TBC1D4: variants seen among roughly 807,000 people sequenced by gnomAD.
TBC1D4 encodes TBC1 domain family member 4, also known as TBC (Tre-2, BUB2, CDC16) domain-containing protein.
A neutral mutation model predicts 142.5 loss-of-function variants in TBC1D4; 121 were observed. That is an observed-to-expected ratio of 0.85 (90% CI 0.73 to 0.99). TBC1D4 has a LOEUF of 0.99. Among genes scored for constraint, TBC1D4 ranks in the 50% least tolerant of loss-of-function variants. The pLI is 0.00. For missense variants in TBC1D4, 1,475 were observed against 1,606.6 expected (o/e 0.92, Z 1.40); for synonymous variants, 630 against 628.2 (o/e 1.00, Z -0.04).
In TBC1D4 at chr13:75,286,574, T is replaced by C; in HGVS notation, c.*218A>G. On this transcript the variant is annotated 3_prime_UTR_variant, in exon 21 of 21. Coordinates refer to ENST00000377636, the MANE Select transcript of TBC1D4 (RefSeq NM_014832.5). ...TGTTCATTTTATATATATATTTATATGTACATAGCAACAACAAAAACCAGT... is the reference window on the plus strand; with the variant it reads ...TGTTCATTTTATATATATATTTATACGTACATAGCAACAACAAAAACCAGT... 1.9e-6 allele frequency: 1 copy of C among 516,396 alleles called. No individual in the cohort carries two copies. The highest frequency in any genetic ancestry group is 3.4e-6 in the Non-Finnish European group (1 of 290,910). The allele number at this position is 516,396 out of a possible 1,614,324, so 32.0% of individuals were successfully genotyped here.
chr13:75,450,296 G>A (rs770094635), intron 1 of TBC1D4, among the ~76,000 whole-genome samples: 8 of 152,026 alleles, frequency 5.3e-5, no homozygotes, highest in African/African-American at 7.3e-5. Flanking sequence ...TTCCTCCAGA[G>A]GTGTACTTCA....
At chr13:75,473,164 AT>A (rs1231389262) in intron 1 of TBC1D4, among the ~76,000 whole-genome samples, 12 of 151,200 alleles carry the variant, frequency 7.9e-5, no homozygotes, top group African/African-American at 2.7e-4. Context: ...CACCTGGCTA[AT>A]TTTTGCTATT....
chr13:75,418,058 T>C (rs1232178618), intron 1 of TBC1D4, among the ~76,000 whole-genome samples: 3 of 152,258 alleles, frequency 2.0e-5, no homozygotes, highest in Admixed American at 1.3e-4. Flanking sequence ...ATTTTATTAT[T>C]ATTTTATCAT....
chr13:75,455,345 T>C (rs529001652), intron 1 of TBC1D4, among the ~76,000 whole-genome samples: 42 of 152,294 alleles, frequency 2.8e-4, no homozygotes, highest in Admixed American at 2.6e-3. Flanking sequence ...CCCAGTCCTA[T>C]TTGTGCTTAC....
intron 11 of TBC1D4, 68 bp downstream of exon 11, chr13:75,324,169 T>A: frequency 6.3e-7 from 1 of 1,587,090 alleles, no homozygotes; most frequent in South Asian, 1.1e-5. Flanking sequence ...AATCAACCAC[T>A]TTTTAGTAAC....
intron 1 of TBC1D4, among the ~76,000 whole-genome samples, chr13:75,401,638 C>A (rs528835072): frequency 6.6e-6 from 1 of 152,288 alleles, no homozygotes; most frequent in South Asian, 2.1e-4. Context: ...ACAGATTAAT[C>A]TACATTTTCT....
intron 1 of TBC1D4, among the ~76,000 whole-genome samples, chr13:75,429,039 A>G (rs1886489908): frequency 6.6e-6 from 1 of 152,140 alleles, no homozygotes; most frequent in South Asian, 2.1e-4. Flanking sequence ...CTCAAACCAC[A>G]TACCCAGGTT....
rs1875388692 is a variant in TBC1D4, at chr13:75,292,263, AAAT to A, written c.3322_3324del (p.Ile1108del). The stretch of plus-strand genomic sequence containing the variant: ...AATATAACTTCAGTTCCCTGAAGAA[AAAT>A]AATATCTAAAAGAAGAGATATAATT... On this transcript the variant is annotated inframe_deletion, in exon 19 of 21. Coordinates refer to ENST00000377636, the MANE Select transcript of TBC1D4 (RefSeq NM_014832.5). The A allele has an allele frequency of 6.2e-7, 1 of 1,611,376 alleles. No individual in the cohort carries two copies. The highest frequency in any genetic ancestry group is 8.5e-7 in the Non-Finnish European group (1 of 1,178,886).
chr13:75,408,748 T>G (rs1228837876), intron 1 of TBC1D4, among the ~76,000 whole-genome samples: 2 of 152,170 alleles, frequency 1.3e-5, no homozygotes, highest in Non-Finnish European at 2.9e-5. Flanking sequence ...TATCAGTCAT[T>G]TTTATTATAG....
At chr13:75,349,064 C>T (rs779180532) in intron 5 of TBC1D4, 106 bp downstream of exon 5, 311 of 1,523,952 alleles carry the variant, frequency 2.0e-4, no homozygotes, top group African/African-American at 9.3e-4. Context: ...TCTTTGGGTT[C>T]TTGTTTCACA....
At chr13:75,472,300 T>G (rs1366345563) in intron 1 of TBC1D4, among the ~76,000 whole-genome samples, 1 of 151,782 alleles carries the variant, frequency 6.6e-6, no homozygotes, top group Non-Finnish European at 1.5e-5. Context: ...GCGCCTGTAG[T>G]CCCAGCTACT....
At chr13:75,312,499 T>C (rs1320651616) in intron 13 of TBC1D4, among the ~76,000 whole-genome samples, 12 of 151,942 alleles carry the variant, frequency 7.9e-5, no homozygotes, top group Non-Finnish European at 1.3e-4. Context: ...CCGTCTACCT[T>C]GTGGAGTAGG....
chr13:75,450,435 TTAAG>T (rs1190521826), intron 1 of TBC1D4, among the ~76,000 whole-genome samples: 1 of 152,218 alleles, frequency 6.6e-6, no homozygotes, highest in Non-Finnish European at 1.5e-5. Context: ...TGACATTTAT[TTAAG>T]TTTTATCACA....
At chr13:75,424,651 A>G (rs1408603635) in intron 1 of TBC1D4, among the ~76,000 whole-genome samples, 1 of 152,212 alleles carries the variant, frequency 6.6e-6, no homozygotes, top group African/African-American at 2.4e-5. Flanking sequence ...GCATGGTACT[A>G]GCATAAAAGC....
chr13:75,351,744 T>G (rs1322614248), intron 4 of TBC1D4, among the ~76,000 whole-genome samples: 1 of 152,170 alleles, frequency 6.6e-6, no homozygotes, highest in Non-Finnish European at 1.5e-5. Context: ...TAACATGAAC[T>G]CATCATTTTT....
chr13:75,445,280 G>A (rs997515004), intron 1 of TBC1D4, among the ~76,000 whole-genome samples: 1 of 152,126 alleles, frequency 6.6e-6, no homozygotes, highest in African/African-American at 2.4e-5. Context: ...ATAGAACAGT[G>A]CATGGAACTA....
chr13:75,410,004 T>G (rs1885548962), intron 1 of TBC1D4, among the ~76,000 whole-genome samples: 1 of 152,224 alleles, frequency 6.6e-6, no homozygotes, highest in African/African-American at 2.4e-5. Context: ...GTTCACCAAA[T>G]TTGTTTATCT....
In TBC1D4 at chr13:75,339,955, G is replaced by T. The variant is rs553827018; in HGVS notation, c.1611+1170C>A. Among the ~76,000 whole-genome samples the T allele has an allele frequency of 4.0e-4, 61 of 152,232 alleles. No homozygotes were observed. The South Asian group carries it at 0.012, about 30-fold the overall frequency. The stretch of plus-strand genomic sequence containing the variant: ...ACTCCCTCAAAATGTCCTTCCTCTT[G>T]AATCTCCTCTTCTCTTACTCTCTAC... On this transcript the variant is annotated intron_variant, in intron 7 of 20. Transcript: ENST00000377636.
At chr13:75,476,800 T>C (rs1888647026) in intron 1 of TBC1D4, among the ~76,000 whole-genome samples, 1 of 152,212 alleles carries the variant, frequency 6.6e-6, no homozygotes, top group Admixed American at 6.5e-5. Flanking sequence ...CGGCCAGTAG[T>C]TTGAGCATCA....
Sources: allele counts gnomAD v4.1 joint callset (sites outside exome capture counted in the v4.1 genomes callset), GRCh38; gene constraint gnomAD v4.1.1; transcripts MANE v1.5; gene names NCBI Gene and HGNC (gene_info 2026-07-23, HGNC 2026-07-21).